The following LMBR1 variants were observed in gnomAD, a reference collection of about 807,000 sequenced individuals.
LMBR1 encodes the protein limb region 1 protein homolog.
In LMBR1, 52 loss-of-function variants were observed where a neutral mutation model predicts 73.9. The ratio of observed to expected loss-of-function variants is 0.70; its 90% CI spans 0.56 to 0.89. LMBR1 has a LOEUF of 0.89. LMBR1 is among the 40% of genes least tolerant of loss of function. The probability of loss-of-function intolerance (pLI) is 0.00; values close to 1 mark genes in which losing one functional copy is unlikely to be tolerated. For synonymous variants in LMBR1, 215 were observed against 209.4 expected, an observed-to-expected ratio of 1.03 and a Z score of -0.23; for missense variants, 539 against 579.8, an observed-to-expected ratio of 0.93 and a Z score of 0.72.
intron 5 of LMBR1, among the ~76,000 whole-genome samples, chr7:156,771,417 C>CA (rs1825157429): frequency 6.6e-6 from 1 of 152,034 alleles, no homozygotes; most frequent in African/African-American, 2.4e-5. Context: ...CACAGAAATA[C>CA]AAAAAACCAT....
chr7:156,701,512 G>A (rs55718454), intron 15 of LMBR1, among the ~76,000 whole-genome samples: 5,827 of 152,240 alleles, frequency 0.038, 150 homozygotes, highest in Non-Finnish European at 0.044. Flanking sequence ...ATACAAAGAA[G>A]GTCAGGCACA....
chr7:156,781,180 A>G (rs983781573), intron 5 of LMBR1, among the ~76,000 whole-genome samples: 1 of 152,250 alleles, frequency 6.6e-6, no homozygotes, highest in African/African-American at 2.4e-5. Context: ...AGTGAAACAT[A>G]AAAGATATTA....
intron 15 of LMBR1, among the ~76,000 whole-genome samples, chr7:156,698,701 T>C (rs1164493016): frequency 6.6e-6 from 1 of 152,166 alleles, no homozygotes; most frequent in Non-Finnish European, 1.5e-5. Flanking sequence ...AGAGGGACCC[T>C]GGGTCCAGCC....
At chr7:156,698,113 C>A (rs1298275198) in intron 15 of LMBR1, among the ~76,000 whole-genome samples, 1 of 152,224 alleles carries the variant, frequency 6.6e-6, no homozygotes, top group Non-Finnish European at 1.5e-5. Context: ...TCCAGCAGGG[C>A]AGTCAAATCT....
At chr7:156,717,223 C>T (rs1052519938) in intron 15 of LMBR1, among the ~76,000 whole-genome samples, 7 of 152,186 alleles carry the variant, frequency 4.6e-5, no homozygotes, top group Admixed American at 1.3e-4. Flanking sequence ...AAGGTGGAAG[C>T]ATTTACCATA....
At chr7:156,824,230 A>G (rs1835286944) in intron 4 of LMBR1, among the ~76,000 whole-genome samples, 1 of 152,172 alleles carries the variant, frequency 6.6e-6, no homozygotes, top group South Asian at 2.1e-4. Flanking sequence ...ACACTACTTT[A>G]TGAGCAGAAA....
At chr7:156,807,461 T>C (rs779573841) in intron 4 of LMBR1, among the ~76,000 whole-genome samples, 4 of 152,258 alleles carry the variant, frequency 2.6e-5, no homozygotes, top group Non-Finnish European at 4.4e-5. Flanking sequence ...TTGTTGAATT[T>C]GTTGGATAAA....
chr7:156,750,819 C>A (rs931946507), intron 9 of LMBR1, among the ~76,000 whole-genome samples: 1 of 152,102 alleles, frequency 6.6e-6, no homozygotes, highest in Non-Finnish European at 1.5e-5. Context: ...TTACAAAAAT[C>A]CCTGCCCCAG....
chr7:156,786,506 AC>A lies in LMBR1; in HGVS notation c.423+9882del, dbSNP rs1828137697. On this transcript the variant is annotated intron_variant, in intron 5 of 16. Coordinates refer to ENST00000353442, the MANE Select transcript of LMBR1 (RefSeq NM_022458.4). The stretch of plus-strand genomic sequence containing the variant: ...TTTTAACCACCTCACAAAATTAGCT[AC>A]AGGTAGACGAAAATATTAGATCTTT... Among the ~76,000 whole-genome samples the A allele has an allele frequency of 3.9e-5, 6 of 152,218 alleles. No individual in the cohort carries two copies. The South Asian group carries it at 1.2e-3, about 32-fold the overall frequency.
intron 4 of LMBR1, among the ~76,000 whole-genome samples, chr7:156,799,250 T>C (rs1830548003): frequency 6.6e-6 from 1 of 152,096 alleles, no homozygotes; most frequent in African/African-American, 2.4e-5. Context: ...TAAAGCCGAT[T>C]GCATGTTGCT....
At chr7:156,832,527 A>G (rs1343905112) in intron 3 of LMBR1, among the ~76,000 whole-genome samples, 2 of 152,206 alleles carry the variant, frequency 1.3e-5, no homozygotes, top group Non-Finnish European at 2.9e-5. Context: ...GACATTTCTT[A>G]TAGATGGAAT....
At chr7:156,788,740 G>C (rs757712644) in intron 5 of LMBR1, among the ~76,000 whole-genome samples, 10 of 152,124 alleles carry the variant, frequency 6.6e-5, no homozygotes, top group Non-Finnish European at 1.2e-4. Flanking sequence ...ATTTCTAGGA[G>C]ATCTGAGAAT....
In LMBR1 at chr7:156,731,989, C is replaced by T. The variant is rs375659558; in HGVS notation, c.838+2188G>A. 1.1e-4 allele frequency among the ~76,000 whole-genome samples: 16 copies of T among 151,272 alleles called. No individual in the cohort carries two copies. The East Asian group carries it at 1.5e-3, about 15-fold the overall frequency. The stretch of plus-strand genomic sequence containing the variant: ...ATGATTATAACAACATTATTTGTAA[C>T]AGCAAAAAACTAGAAGCAAATCTAA... On this transcript the variant is annotated intron_variant, in intron 10 of 16. Transcript: ENST00000353442.
At position 156,681,222 on chromosome 7, in the gene LMBR1, G is replaced by A. The variant is rs1175161980; in HGVS notation, c.*2856C>T. Reference sequence around the variant, plus strand: ...GGTCATCACTGAGGCTGCAGGGAGGGCCATGGGCACCCAGCAGATGGGGAG... The same window carrying A: ...GGTCATCACTGAGGCTGCAGGGAGGACCATGGGCACCCAGCAGATGGGGAG... On this transcript the variant is annotated 3_prime_UTR_variant, in exon 17 of 17. Transcript: ENST00000353442. The A allele has an allele frequency of 2.2e-6, 1 of 446,274 alleles. No homozygotes were observed. Among genetic ancestry groups the A allele is most frequent in the East Asian group, 7.0e-5 (1 of 14,262 alleles). The allele number at this position is 446,274 out of a possible 1,614,324, so 27.6% of individuals were successfully genotyped here.
chr7:156,793,095 T>C (rs1004153672), intron 5 of LMBR1, among the ~76,000 whole-genome samples: 1 of 152,212 alleles, frequency 6.6e-6, no homozygotes. Flanking sequence ...CATAAATATA[T>C]GTACTTATTC....
At chr7:156,820,099 GAAGA>G (rs1020882078) in intron 4 of LMBR1, among the ~76,000 whole-genome samples, 2 of 152,332 alleles carry the variant, frequency 1.3e-5, no homozygotes, top group African/African-American at 4.8e-5. Flanking sequence ...GGTCTGTGCA[GAAGA>G]CAGACAGAGC....
chr7:156,809,618 C>T (rs1832744028), intron 4 of LMBR1, among the ~76,000 whole-genome samples: 1 of 152,024 alleles, frequency 6.6e-6, no homozygotes, highest in Admixed American at 6.5e-5. Context: ...ATCTTTTTTT[C>T]CAATATTTGT....
chr7:156,676,165 G>A (rs562352539), downstream of LMBR1: 4 of 1,153,920 alleles, frequency 3.5e-6, no homozygotes, highest in South Asian at 6.8e-5. Flanking sequence ...AATTCTGGAA[G>A]TTCCTGTTGG....
intron 5 of LMBR1, among the ~76,000 whole-genome samples, chr7:156,765,394 T>C (rs1167770534): frequency 6.6e-6 from 1 of 152,182 alleles, no homozygotes; most frequent in Non-Finnish European, 1.5e-5. Flanking sequence ...CCTGCCACCC[T>C]GTGAAGAGGT....
Sources: allele counts gnomAD v4.1 joint callset (sites outside exome capture counted in the v4.1 genomes callset), GRCh38; gene constraint gnomAD v4.1.1; transcripts MANE v1.5; gene names NCBI Gene and HGNC (gene_info 2026-07-23, HGNC 2026-07-21).